TARM1: variants seen among roughly 807,000 people sequenced by gnomAD.
TARM1 encodes T-cell-interacting, activating receptor on myeloid cells protein 1.
In TARM1, 24 loss-of-function variants were observed where a neutral mutation model predicts 30.4. That is an observed-to-expected ratio of 0.79 (90% CI 0.57 to 1.11). The LOEUF (loss-of-function observed/expected upper bound fraction) is 1.11, where lower values mean the gene tolerates loss of function less well. TARM1 is among the 50% of genes least tolerant of loss of function. TARM1 has a pLI of 0.00. For synonymous variants in TARM1, 129 were observed against 138.9 expected (o/e 0.93, Z 0.50); for missense variants, 323 against 332.8 (o/e 0.97, Z 0.23).
In TARM1 at chr19:54,070,152, C is replaced by T; in HGVS notation, c.667G>A (p.Gly223Ser). Residue 223 changes from glycine to serine, a missense_variant, in exon 5 of 5, where the codon GGT becomes AGT. By Grantham distance (56) the Gly-to-Ser change is moderately conservative. Coordinates refer to ENST00000432826, the MANE Select transcript of TARM1 (RefSeq NM_001135686.3). ...QLEILVTVPPGTTSSNYSLGN... is the reference protein window; with the variant it reads ...QLEILVTVPPSTTSSNYSLGN... Reference sequence around the variant, plus strand: ...AGGGAGTAGTTGCTCGATGTGGTACCTGGGGGAACTGAAAGAGAGAAGGGG... The same window carrying T: ...AGGGAGTAGTTGCTCGATGTGGTACTTGGGGGAACTGAAAGAGAGAAGGGG... 1 of 1,551,542 alleles carries T rather than the reference C, an allele frequency of 6.4e-7. No individual in the cohort carries two copies. Among genetic ancestry groups the T allele is most frequent in the South Asian group, 1.2e-5 (1 of 84,052 alleles).
At chr19:54,081,160 A>G (rs2072120916) in intron 1 of TARM1, 147 bp downstream of exon 1, 6 of 706,890 alleles carry the variant, frequency 8.5e-6, no homozygotes, top group Non-Finnish European at 1.4e-5. Context: ...TTTCCAGGGA[A>G]TGTCTGCAGT....
rs758163798 is a variant in TARM1, at chr19:54,074,949, G to T, written c.236C>A (p.Ala79Glu). The T allele has an allele frequency of 1.9e-6, 3 of 1,551,432 alleles. No individual in the cohort carries two copies. The highest frequency in any genetic ancestry group is 2.7e-5 in the African/African-American group (2 of 73,010). The change falls in exon 3 of 5, where the codon GCG (alanine) becomes GAG (glutamate). Residue 79 changes from alanine to glutamate, a missense_variant. Ala to Glu is a moderately radical substitution (Grantham distance 107). Coordinates refer to ENST00000432826, the MANE Select transcript of TARM1 (RefSeq NM_001135686.3). ...TAGATTATTGAGGTGAAATTCGGCC[G>T]CGCCCTCTGTAGAATCAAGGGGCTT... is the stretch of plus-strand genomic sequence containing the variant. ...SPKPLDSTEGAAEFHLNNLKV... is the reference protein window; with the variant it reads ...SPKPLDSTEGEAEFHLNNLKV...
rs1323646111 is a variant in TARM1, at chr19:54,075,123, A to C, written c.71-9T>G. The stretch of plus-strand genomic sequence containing the variant: ...CGGCTTGGGCAGTGACCCTGGAAGG[A>C]AGCAGAGCCTGATGCTGGACCCGAT... On this transcript the variant is annotated splice_polypyrimidine_tract_variant and intron_variant, in intron 2 of 4. Transcript: ENST00000432826. The C allele has an allele frequency of 4.5e-6, 7 of 1,549,524 alleles. No homozygotes were observed. The highest frequency in any genetic ancestry group is 6.1e-6 in the Non-Finnish European group (7 of 1,145,914).
At chr19:54,077,576 T>C (rs767890236) in intron 1 of TARM1, among the ~76,000 whole-genome samples, 1 of 152,048 alleles carries the variant, frequency 6.6e-6, no homozygotes, top group South Asian at 2.1e-4. Context: ...GCGTTTGTGC[T>C]ACTATTACAT....
At position 54,073,909 on chromosome 19, in the gene TARM1, C is replaced by A; in HGVS notation, c.658+11G>T. Reference sequence around the variant, plus strand: ...ACACACACAGTTCCTCAAAACCATACACGCCCTTACCTGTCACCAATATCT... The same window carrying A: ...ACACACACAGTTCCTCAAAACCATAAACGCCCTTACCTGTCACCAATATCT... On this transcript the variant is annotated intron_variant, in intron 4 of 4. Transcript: ENST00000432826. The A allele has an allele frequency of 6.5e-7, 1 of 1,549,478 alleles. No individual in the cohort carries two copies.
At chr19:54,074,615 G>A (rs1462022584) in intron 3 of TARM1, among the ~76,000 whole-genome samples, 9 of 152,174 alleles carry the variant, frequency 5.9e-5, no homozygotes, top group Non-Finnish European at 7.3e-5. Context: ...CCCAGGAGGC[G>A]GAAGTTGCAG....
chr19:54,071,963 C>T (rs997865214), intron 4 of TARM1, among the ~76,000 whole-genome samples: 7 of 151,938 alleles, frequency 4.6e-5, no homozygotes, highest in Admixed American at 2.6e-4. Context: ...GAGGCCCAAG[C>T]GGGCAGATCA....
In TARM1 at chr19:54,070,180, C is replaced by T. The variant is rs1568498431; in HGVS notation, c.659-20G>A. On this transcript the variant is annotated intron_variant, in intron 4 of 4. Coordinates refer to ENST00000432826, the MANE Select transcript of TARM1 (RefSeq NM_001135686.3). ...GGGGAACTGAAAGAGAGAAGGGGCTCAGCACTGACCCTCAGAGGGTATCCC... is the reference window on the plus strand; with the variant it reads ...GGGGAACTGAAAGAGAGAAGGGGCTTAGCACTGACCCTCAGAGGGTATCCC... 1.3e-6 allele frequency: 2 copies of T among 1,549,566 alleles called. No homozygotes were observed. The highest frequency in any genetic ancestry group is 8.7e-7 in the Non-Finnish European group (1 of 1,145,920).
chr19:54,070,503 G>A (rs186632853), intron 4 of TARM1, among the ~76,000 whole-genome samples: 37 of 148,682 alleles, frequency 2.5e-4, no homozygotes, highest in East Asian at 8.1e-4. Context: ...CAGGTGACCC[G>A]CCCACCTCAG....
intron 1 of TARM1, 35 bp from the exon 2 acceptor site, chr19:54,075,953 A>G (rs1381720305): frequency 1.4e-5 from 22 of 1,550,024 alleles, no homozygotes; most frequent in Non-Finnish European, 1.7e-5. Flanking sequence ...AGAAGCCCCT[A>G]CCTGGAGCCA....
chr19:54,074,909 A>C lies in TARM1; in HGVS notation c.276T>G (p.Ala92=), dbSNP rs1367676284. Residue 92 remains alanine, a synonymous_variant, in exon 3 of 5, where the codon GCT becomes GCG. Transcript: ENST00000432826. ...FHLNNLKVRN[A]GEYTCEYYRK... ...TGTAGTATTCACAGGTGTACTCTCC[A>C]GCATTTCTGACTTTTAGATTATTGA... 1 of 1,551,632 alleles carries C rather than the reference A, an allele frequency of 6.4e-7. No homozygotes were observed. Among genetic ancestry groups the C allele is most frequent in the Non-Finnish European group, 8.7e-7 (1 of 1,146,988 alleles).
chr19:54,078,130 G>A (rs1328654645), intron 1 of TARM1, among the ~76,000 whole-genome samples: 8 of 149,500 alleles, frequency 5.4e-5, no homozygotes, highest in African/African-American at 9.9e-5. Context: ...CAGGTGATCC[G>A]CCCATCTTAG....
At chr19:54,071,154 C>T (rs543526371) in intron 4 of TARM1, among the ~76,000 whole-genome samples, 33 of 152,170 alleles carry the variant, frequency 2.2e-4, no homozygotes, top group African/African-American at 7.0e-4. Flanking sequence ...GATGGGTTTT[C>T]GCCATGTTGG....
intron 2 of TARM1, 100 bp downstream of exon 2, chr19:54,075,783 C>T: frequency 1.5e-6 from 2 of 1,371,242 alleles, no homozygotes; most frequent in Non-Finnish European, 2.0e-6. Context: ...AAGAGTGAGA[C>T]TCCGTCAAAA....
chr19:54,076,223 C>T (rs1281946680), intron 1 of TARM1: 10 of 1,501,656 alleles, frequency 6.7e-6, no homozygotes, highest in Non-Finnish European at 8.8e-6. Flanking sequence ...CTTACCATTT[C>T]TTTCTTTCTT....
chr19:54,075,709 C>G (rs2071933255), intron 2 of TARM1, among the ~76,000 whole-genome samples, 174 bp downstream of exon 2: 1 of 151,740 alleles, frequency 6.6e-6, no homozygotes. Flanking sequence ...AGGAGAATCA[C>G]TTGAGCCCAG....
chr19:54,080,093 A>G (rs1293652897), intron 1 of TARM1, among the ~76,000 whole-genome samples: 14 of 8,760 alleles, frequency 1.6e-3, no homozygotes, highest in African/African-American at 0.014. Context: ...AAGAGAAAGA[A>G]AGGAAGGAAG....
intron 2 of TARM1, 33 bp downstream of exon 2, chr19:54,075,850 G>C (rs931177543): frequency 8.4e-6 from 13 of 1,549,798 alleles, no homozygotes; most frequent in Non-Finnish European, 1.1e-5. Flanking sequence ...TGGGATGACA[G>C]GCCAAGGAGG....
intron 1 of TARM1, among the ~76,000 whole-genome samples, chr19:54,079,502 G>C (rs138491773): frequency 6.6e-6 from 1 of 152,114 alleles, no homozygotes; most frequent in Non-Finnish European, 1.5e-5. Flanking sequence ...ATGCTGAGTC[G>C]GGCAGGTTGG....
Sources: allele counts gnomAD v4.1 joint callset (sites outside exome capture counted in the v4.1 genomes callset), GRCh38; gene constraint gnomAD v4.1.1; transcripts MANE v1.5; gene names NCBI Gene and HGNC (gene_info 2026-07-23, HGNC 2026-07-21).